The following CLPTM1 variants were observed in gnomAD, a reference collection of about 807,000 sequenced individuals.
The protein encoded by CLPTM1 is CLPTM1 regulator of GABA type A receptor forward trafficking.
In CLPTM1, 21 loss-of-function variants were observed where a neutral mutation model predicts 77.3. That is an observed-to-expected ratio of 0.27 (90% confidence interval 0.19 to 0.39). The LOEUF (loss-of-function observed/expected upper bound fraction) is 0.39. CLPTM1 is among the 10% of genes least tolerant of loss of function. The pLI is 1.00. For missense variants in CLPTM1, 642 were observed against 921.2 expected (o/e 0.70, Z 3.92); for synonymous variants, 373 against 381.0 (o/e 0.98, Z 0.24).
intron 6 of CLPTM1, 100 bp downstream of exon 6, chr19:44,985,403 A>G: frequency 1.2e-6 from 1 of 807,032 alleles, no homozygotes; most frequent in Non-Finnish European, 2.1e-6. Flanking sequence ...CCACTGAACC[A>G]CCATGCCGGC....
intron 1 of CLPTM1, among the ~76,000 whole-genome samples, chr19:44,958,369 A>G (rs1245163951): frequency 1.3e-5 from 2 of 150,104 alleles, no homozygotes; most frequent in Non-Finnish European, 1.5e-5. Flanking sequence ...GGGAAATAGG[A>G]GCTGAAAAGA....
At chr19:44,956,033 G>A (rs549872481) in intron 1 of CLPTM1, among the ~76,000 whole-genome samples, 6 of 152,184 alleles carry the variant, frequency 3.9e-5, no homozygotes, top group Non-Finnish European at 7.3e-5. Context: ...GGACTGGTAT[G>A]GTTGTGGTTT....
chr19:44,980,855 T>C (rs1298368970), intron 5 of CLPTM1, among the ~76,000 whole-genome samples: 1 of 151,684 alleles, frequency 6.6e-6, no homozygotes, highest in African/African-American at 2.4e-5. Context: ...TATTTTTTTT[T>C]GAGATGAAGT....
In CLPTM1 at chr19:44,961,971, C is replaced by A; in HGVS notation, c.81C>A (p.Ser27Arg). 1 of 1,604,596 alleles carries A rather than the reference C, an allele frequency of 6.2e-7. No homozygotes were observed. Among genetic ancestry groups the A allele is most frequent in the Non-Finnish European group, 8.5e-7 (1 of 1,176,608 alleles). Reference protein sequence around the residue: ...AGGGSSGQVTSNGSIGRDPPA... With the variant: ...AGGGSSGQVTRNGSIGRDPPA... ...GCCTCTGTCCCCCACAGGTGACCAGCAATGGCAGCATCGGGAGGGACCCGC... is the reference window on the plus strand; with the variant it reads ...GCCTCTGTCCCCCACAGGTGACCAGAAATGGCAGCATCGGGAGGGACCCGC... Residue 27 changes from serine to arginine, a missense_variant, in exon 2 of 14, where the codon AGC becomes AGA. Ser to Arg is a moderately radical substitution (Grantham distance 110, BLOSUM62 -1). Transcript: ENST00000337392.
chr19:44,986,508 C>A lies in CLPTM1; in HGVS notation c.726C>A (p.Ile242=). Residue 242 remains isoleucine (I), a synonymous_variant, in exon 7 of 14, where the codon ATC becomes ATA. Transcript: ENST00000337392. ...TGATCTCCCATTGGCACCCCAACAT[C>A]ACCATCAACATCGTGGACGACCACA... The part of the protein sequence containing the change: ...VEVISHWHPN[I]TINIVDDHTP... 6.2e-7 allele frequency: 1 copy of A among 1,614,150 alleles called. No individual in the cohort carries two copies. Among genetic ancestry groups the A allele is most frequent in the Non-Finnish European group, 8.5e-7 (1 of 1,180,018 alleles).
intron 1 of CLPTM1, chr19:44,955,719 G>A (rs977044934): frequency 2.6e-6 from 1 of 379,964 alleles, no homozygotes; most frequent in African/African-American, 2.1e-5. Flanking sequence ...GATCCGGGGA[G>A]ACAGTGGCTC....
chr19:44,960,950 G>A (rs904599553), intron 1 of CLPTM1, among the ~76,000 whole-genome samples: 12 of 152,192 alleles, frequency 7.9e-5, no homozygotes, highest in African/African-American at 2.4e-4. Context: ...AGCAGGGTGC[G>A]TGAAGGGTGA....
At chr19:44,976,060 T>G (rs187250056) in intron 4 of CLPTM1, among the ~76,000 whole-genome samples, 1 of 152,082 alleles carries the variant, frequency 6.6e-6, no homozygotes, top group East Asian at 1.9e-4. Context: ...TCAACATGTT[T>G]CCCAGGCTGG....
In CLPTM1 at chr19:44,988,105, A is replaced by G; in HGVS notation, c.1064A>G (p.Tyr355Cys). The G allele has an allele frequency of 6.2e-7, 1 of 1,613,688 alleles. No homozygotes were observed. Among genetic ancestry groups the G allele is most frequent in the Non-Finnish European group, 8.5e-7 (1 of 1,179,850 alleles). Residue 355 changes from tyrosine (Y) to cysteine (C), a missense_variant, in exon 9 of 14, where the codon TAC (tyrosine) becomes TGC (cysteine). Around this residue, in one of 2 missense-constraint regions of CLPTM1, gnomAD observed 521 missense variants for 800.4 expected, o/e 0.65. Transcript: ENST00000337392. ...VKVALLETNP[Y>C]LLALTIIVSI... is the part of the protein sequence containing the mutation. Reference sequence around the variant, plus strand: ...GTGGCCCTGCTGGAGACCAACCCCTACCTGCTGGCGCTCACCATCATCGTG... The same window carrying G: ...GTGGCCCTGCTGGAGACCAACCCCTGCCTGCTGGCGCTCACCATCATCGTG...
intron 6 of CLPTM1, among the ~76,000 whole-genome samples, chr19:44,986,113 C>T (rs1024187359): frequency 6.6e-6 from 1 of 151,964 alleles, no homozygotes; most frequent in Non-Finnish European, 1.5e-5. Flanking sequence ...TTTGGGAGGC[C>T]GAAGCAGAAG....
chr19:44,991,961 T>C lies in CLPTM1; in HGVS notation c.1556-272T>C, dbSNP rs554874278. Among the ~76,000 whole-genome samples the C allele has an allele frequency of 6.6e-6, 1 of 151,534 alleles. No homozygotes were observed. Among genetic ancestry groups the C allele is most frequent in the South Asian group, 2.1e-4 (1 of 4,800 alleles). The stretch of plus-strand genomic sequence containing the variant: ...ATAGTGAGTACTGTGAAGGGCAGAG[T>C]GGTGGGAGGATGCACATTAATAGGG... On this transcript the variant is annotated intron_variant, in intron 12 of 13. Coordinates refer to ENST00000337392, the MANE Select transcript of CLPTM1 (RefSeq NM_001294.4). The surrounding 1 kb of genome is among the most constrained non-coding windows in gnomAD (Gnocchi z 5.4).
At chr19:44,984,790 G>T (rs181111255) in intron 5 of CLPTM1, among the ~76,000 whole-genome samples, 136 of 152,236 alleles carry the variant, frequency 8.9e-4, no homozygotes, top group Non-Finnish European at 1.4e-3. Flanking sequence ...TAGTTCAAGC[G>T]ATTCTCCTGC....
chr19:44,990,253 GA>G lies in CLPTM1; in HGVS notation c.1133-141del. The G allele has an allele frequency of 1.3e-6, 1 of 767,288 alleles. No individual in the cohort carries two copies. The highest frequency in any genetic ancestry group is 2.1e-6 in the Non-Finnish European group (1 of 466,764). 47.5% of individuals were successfully genotyped at this position (767,288 alleles called of 1,614,324 possible). On this transcript the variant is annotated intron_variant, in intron 9 of 13. Transcript: ENST00000337392. This position sits in a 1 kb window ranked among gnomAD's most constrained non-coding sequence, Gnocchi z 4.8. ...TGAATATGAGAGCCTTCCTGGGAGAGAGGGGTCTCGTTCAGCACCCCTCCTG... is the reference window on the plus strand; with the variant it reads ...TGAATATGAGAGCCTTCCTGGGAGAGGGGGTCTCGTTCAGCACCCCTCCTG...
Position 44,990,363 on chromosome 19 carries a change from C to T in CLPTM1, c.1133-32C>T, listed in dbSNP as rs1600048385. 6.2e-7 allele frequency: 1 copy of T among 1,605,990 alleles called. No homozygotes were observed. The highest frequency in any genetic ancestry group is 1.1e-5 in the South Asian group (1 of 90,570). On this transcript the variant is annotated intron_variant, in intron 9 of 13. Transcript: ENST00000337392. This position sits in a 1 kb window ranked among gnomAD's most constrained non-coding sequence, Gnocchi z 4.8. ...CAGTAGGGTCTCAGCACCTCCTCAG[C>T]CTCCTGGTTCCCCCCTACCCCCTGC...
intron 9 of CLPTM1, among the ~76,000 whole-genome samples, chr19:44,988,646 G>A (rs2122330976): frequency 6.6e-6 from 1 of 152,356 alleles, no homozygotes; most frequent in Middle Eastern, 3.4e-3. Context: ...CACATGCCAG[G>A]CACTGTCCTG....
In CLPTM1 at chr19:44,955,765, T is replaced by TACAACG. The variant is rs1241034945; in HGVS notation, c.72+298_72+299insACAACG. 4.9e-3 allele frequency: 1,629 copies of TACAACG among 330,578 alleles called. 24 individuals carry two copies. Among genetic ancestry groups the TACAACG allele is most frequent in the African/African-American group, 0.032 (1,484 of 47,110 alleles). 20.5% of individuals were successfully genotyped at this position (330,578 alleles called of 1,614,324 possible). On this transcript the variant is annotated intron_variant, in intron 1 of 13. Transcript: ENST00000337392. ...AGGCTTGTACCTTGGCGCGCTGGGT[T>TACAACG]CTCAACTCCGCGATTCCATGCTCTG...
rs540172809 is a variant in CLPTM1, at chr19:44,976,224, G to A, written c.469-1119G>A. Among the ~76,000 whole-genome samples the A allele has an allele frequency of 1.4e-4, 22 of 152,252 alleles. No homozygotes were observed. The Middle Eastern group carries it at 0.01, about 71-fold the overall frequency. On this transcript the variant is annotated intron_variant, in intron 4 of 13. Transcript: ENST00000337392. ...AAGCCCAGCCCCCAGGCCTTGCCAC[G>A]AGATCCAAGGAAGGACCAGGGCCTG...
At chr19:44,963,507 A>G (rs1970578178) in intron 2 of CLPTM1, among the ~76,000 whole-genome samples, 1 of 151,256 alleles carries the variant, frequency 6.6e-6, no homozygotes, top group Non-Finnish European at 1.5e-5. Flanking sequence ...TTGTATTTTC[A>G]GTAGAGATGG....
intron 2 of CLPTM1, among the ~76,000 whole-genome samples, chr19:44,971,768 A>G (rs975765962): frequency 6.6e-6 from 1 of 151,796 alleles, no homozygotes; most frequent in Non-Finnish European, 1.5e-5. Flanking sequence ...CATGTTGCCC[A>G]GGCTGGTCTC....
Sources: gnomAD v4.1 joint callset for allele counts (sites outside exome capture counted in the v4.1 genomes callset) on GRCh38, gnomAD v4.1.1 for gene constraint, gnomAD v4.1.1 regional missense constraint, Gnocchi (gnomAD v3.1) non-coding constraint, MANE v1.5 for transcripts, NCBI Gene and HGNC (gene_info 2026-07-23, HGNC 2026-07-21) for gene names.